HYAL4: variants seen among roughly 807,000 people sequenced by gnomAD.
HYAL4 encodes the protein hyaluronidase-4.
A neutral mutation model predicts 35.2 loss-of-function variants in HYAL4; 37 were observed. That is an observed-to-expected ratio of 1.05 (90% CI 0.81 to 1.38). The LOEUF is 1.38. HYAL4 is among the 40% of genes most tolerant of loss of function. HYAL4 has a pLI of 0.00. For synonymous variants in HYAL4, 198 were observed against 203.2 expected (o/e 0.97, Z 0.22); for missense variants, 572 against 572.4 (o/e 1.00, Z 0.01).
At chr7:123,804,882 T>C in the HYAL4 span, among the ~76,000 whole-genome samples, 1 of 152,240 alleles carries the variant, frequency 6.6e-6, no homozygotes, top group African/African-American at 2.4e-5. Flanking sequence ...TTATTGAGTA[T>C]TTAAAATTTT....
chr7:123,792,162 C>T, the HYAL4 span, among the ~76,000 whole-genome samples: 2 of 152,072 alleles, frequency 1.3e-5, no homozygotes, highest in Non-Finnish European at 2.9e-5. Context: ...GGAAAAAAAT[C>T]AAGGTATCAA....
chr7:123,801,949 T>G, the HYAL4 span, among the ~76,000 whole-genome samples: 1 of 152,188 alleles, frequency 6.6e-6, no homozygotes, highest in Admixed American at 6.5e-5. Flanking sequence ...CCCCCATGGT[T>G]TTTGTTCCTA....
At chr7:123,799,546 T>C in the HYAL4 span, among the ~76,000 whole-genome samples, 1 of 151,682 alleles carries the variant, frequency 6.6e-6, no homozygotes, top group African/African-American at 2.4e-5. Flanking sequence ...CCCAGCACTT[T>C]GGGAGGCCAA....
At chr7:123,793,818 G>T in the HYAL4 span, among the ~76,000 whole-genome samples, 1 of 152,194 alleles carries the variant, frequency 6.6e-6, no homozygotes, top group African/African-American at 2.4e-5. Flanking sequence ...GCACCACAGA[G>T]AGTGGGGTGC....
chr7:123,857,832 A>G (rs1023991215), intron 2 of HYAL4, among the ~76,000 whole-genome samples: 1 of 152,088 alleles, frequency 6.6e-6, no homozygotes, highest in African/African-American at 2.4e-5. Context: ...CAGTTGCAAC[A>G]TCAAGAACAT....
chr7:123,777,125 C>G, the HYAL4 span, among the ~76,000 whole-genome samples: 1 of 152,110 alleles, frequency 6.6e-6, no homozygotes, highest in African/African-American at 2.4e-5. Flanking sequence ...CCATACGCCA[C>G]CACCATTGTG....
intron 3 of HYAL4, among the ~76,000 whole-genome samples, chr7:123,874,219 AAT>A (rs925356875): frequency 2.0e-5 from 3 of 152,216 alleles, no homozygotes; most frequent in Non-Finnish European, 4.4e-5. Flanking sequence ...TGCATGGCAA[AAT>A]ATGTTTTTCT....
the HYAL4 span, among the ~76,000 whole-genome samples, chr7:123,795,046 G>T: frequency 6.6e-6 from 1 of 152,242 alleles, no homozygotes; most frequent in Non-Finnish European, 1.5e-5. Context: ...ATCAGCATGC[G>T]CTGGATGTGA....
the HYAL4 span, among the ~76,000 whole-genome samples, chr7:123,773,792 T>C: frequency 1.3e-5 from 2 of 152,234 alleles, no homozygotes; most frequent in African/African-American, 2.4e-5. Context: ...ATTTTTCAGA[T>C]TGAACTTTCT....
chr7:123,818,503 T>G, the HYAL4 span, among the ~76,000 whole-genome samples: 12 of 152,354 alleles, frequency 7.9e-5, no homozygotes, highest in African/African-American at 2.9e-4. Flanking sequence ...TAAGCACTTC[T>G]AATTTATATA....
At chr7:123,772,172 T>G in the HYAL4 span, among the ~76,000 whole-genome samples, 1 of 152,150 alleles carries the variant, frequency 6.6e-6, no homozygotes, top group Non-Finnish European at 1.5e-5. Flanking sequence ...ATAAATCTCC[T>G]TTTTTATATA....
the HYAL4 span, among the ~76,000 whole-genome samples, chr7:123,820,762 T>G: frequency 6.6e-6 from 1 of 152,200 alleles, no homozygotes; most frequent in Non-Finnish European, 1.5e-5. Context: ...GACTTATTTA[T>G]CTAGCATAAC....
At chr7:123,797,259 T>C in the HYAL4 span, among the ~76,000 whole-genome samples, 3 of 152,238 alleles carry the variant, frequency 2.0e-5, no homozygotes, top group African/African-American at 7.2e-5. Context: ...CATGTACCCT[T>C]CTCTTTTTAT....
chr7:123,840,893 A>C (rs905952856), upstream of HYAL4, among the ~76,000 whole-genome samples: 1 of 151,986 alleles, frequency 6.6e-6, no homozygotes, highest in Non-Finnish European at 1.5e-5. Context: ...TTGGGCTGAG[A>C]CGATGGGGTT....
At chr7:123,850,040 C>T (rs964445259) in intron 2 of HYAL4, among the ~76,000 whole-genome samples, 3 of 151,636 alleles carry the variant, frequency 2.0e-5, no homozygotes, top group East Asian at 3.9e-4. Flanking sequence ...CTGTTTGTTT[C>T]AAAGCTTTGG....
the HYAL4 span, among the ~76,000 whole-genome samples, chr7:123,821,210 AG>A: frequency 6.6e-6 from 1 of 152,186 alleles, no homozygotes; most frequent in Non-Finnish European, 1.5e-5. Context: ...TATTATAGTT[AG>A]AATTTTTTGA....
chr7:123,862,175 T>A (rs1370550795), intron 2 of HYAL4, among the ~76,000 whole-genome samples: 2 of 152,216 alleles, frequency 1.3e-5, no homozygotes, highest in African/African-American at 4.8e-5. Context: ...GGTTCTGCTC[T>A]GTCTCTCAGT....
At chr7:123,805,949 G>T in the HYAL4 span, among the ~76,000 whole-genome samples, 1 of 152,168 alleles carries the variant, frequency 6.6e-6, no homozygotes, top group East Asian at 1.9e-4. Flanking sequence ...AGGCGAGATT[G>T]AGCCACTGTA....
At chr7:123,781,551 C>G in the HYAL4 span, among the ~76,000 whole-genome samples, 3 of 151,364 alleles carry the variant, frequency 2.0e-5, no homozygotes, top group Non-Finnish European at 2.9e-5. Flanking sequence ...CCAAATCTCT[C>G]GTCCCACCTT....
Sources: allele counts gnomAD v4.1 joint callset (sites outside exome capture counted in the v4.1 genomes callset), GRCh38; gene constraint gnomAD v4.1.1; transcripts MANE v1.5; gene names NCBI Gene and HGNC (gene_info 2026-07-23, HGNC 2026-07-21).